ALK: variants seen among roughly 807,000 people sequenced by gnomAD.
ALK encodes ALK tyrosine kinase receptor.
Under a neutral mutation model 163.1 loss-of-function variants are expected in ALK, and 74 were observed. The ratio of observed to expected loss-of-function variants is 0.45; its 90% CI spans 0.38 to 0.55. ALK has a LOEUF of 0.55. ALK is among the 20% of genes least tolerant of loss of function. The pLI, the probability that ALK is intolerant of heterozygous loss-of-function variation, is 0.00. For missense variants in ALK, 2,063 were observed against 2,105.3 expected (o/e 0.98, Z 0.39); for synonymous variants, 960 against 843.2 (o/e 1.14, Z -2.40).
chr2:29,337,102 G>T (rs1461561262), intron 5 of ALK, among the ~76,000 whole-genome samples: 2 of 152,160 alleles, frequency 1.3e-5, no homozygotes, highest in African/African-American at 4.8e-5. Context: ...CGAGTGCACA[G>T]ACTAACAGCT....
chr2:29,760,037 G>C (rs935411014), intron 1 of ALK, among the ~76,000 whole-genome samples: 4 of 152,130 alleles, frequency 2.6e-5, no homozygotes, highest in African/African-American at 4.8e-5. Flanking sequence ...GGTAAAGTTA[G>C]TTTTGTTTGT....
intron 3 of ALK, among the ~76,000 whole-genome samples, chr2:29,558,844 T>C (rs899498509): frequency 2.6e-5 from 4 of 152,204 alleles, no homozygotes; most frequent in African/African-American, 9.6e-5. Context: ...AGTTCTGGCA[T>C]ACGGTGGACA....
chr2:29,792,532 G>A (rs1664213507), intron 1 of ALK, among the ~76,000 whole-genome samples: 1 of 151,976 alleles, frequency 6.6e-6, no homozygotes, highest in Admixed American at 6.6e-5. Flanking sequence ...ACACAAAATG[G>A]TATTTCACAC....
chr2:29,634,585 A>G (rs1194654787), intron 3 of ALK, among the ~76,000 whole-genome samples: 1 of 152,188 alleles, frequency 6.6e-6, no homozygotes, highest in African/African-American at 2.4e-5. Flanking sequence ...CTCATTCATG[A>G]TTAAAACCCA....
chr2:29,581,500 G>A (rs1254173149), intron 3 of ALK, among the ~76,000 whole-genome samples: 1 of 152,152 alleles, frequency 6.6e-6, no homozygotes, highest in Non-Finnish European at 1.5e-5. Flanking sequence ...CAGAGCCAGG[G>A]GAACACCTCC....
intron 1 of ALK, among the ~76,000 whole-genome samples, chr2:29,837,805 A>G (rs1665598633): frequency 6.6e-6 from 1 of 152,212 alleles, no homozygotes; most frequent in Non-Finnish European, 1.5e-5. Context: ...TACAATCAAA[A>G]ATTACCAGAT....
intron 3 of ALK, among the ~76,000 whole-genome samples, chr2:29,673,396 G>A (rs1677767057): frequency 2.9e-5 from 4 of 138,482 alleles, no homozygotes; most frequent in Non-Finnish European, 6.2e-5. Flanking sequence ...TTCTACATAT[G>A]GCTAGCCAGT....
intron 3 of ALK, among the ~76,000 whole-genome samples, chr2:29,576,123 G>A (rs947408995): frequency 3.3e-5 from 5 of 152,206 alleles, no homozygotes; most frequent in African/African-American, 1.2e-4. Context: ...CTGATTGGCT[G>A]CTCTAGGTCA....
At chr2:29,600,536 G>A (rs57323854) in intron 3 of ALK, among the ~76,000 whole-genome samples, 3 of 152,310 alleles carry the variant, frequency 2.0e-5, no homozygotes, top group East Asian at 3.9e-4. Flanking sequence ...CCTGGCATTG[G>A]AGAAGAAGCA....
In ALK at chr2:29,638,120, T is replaced by C. The variant is rs567043849; in HGVS notation, c.952+56730A>G. Among the ~76,000 whole-genome samples, 329 of 152,298 alleles carry C rather than the reference T, an allele frequency of 2.2e-3. 1 individual carries two copies. The highest frequency in any genetic ancestry group is 6.8e-3 in the Middle Eastern group (2 of 294). On this transcript the variant is annotated intron_variant, in intron 3 of 28. Transcript: ENST00000389048. ...AAGCACACCTTAAACTTGAGATACT[T>C]GGAGGGCTCTGATAGCCATTTTTGG...
intron 4 of ALK, among the ~76,000 whole-genome samples, chr2:29,433,762 T>C (rs1288497317): frequency 6.6e-6 from 1 of 152,118 alleles, no homozygotes; most frequent in Non-Finnish European, 1.5e-5. Flanking sequence ...ATAAGTCAAT[T>C]CTGGAAGGAA....
At chr2:29,825,264 A>G (rs1665165594) in intron 1 of ALK, among the ~76,000 whole-genome samples, 1 of 152,228 alleles carries the variant, frequency 6.6e-6, no homozygotes, top group African/African-American at 2.4e-5. Flanking sequence ...AGACTAATAC[A>G]TCTGCTTCAT....
intron 4 of ALK, among the ~76,000 whole-genome samples, chr2:29,519,816 C>T (rs11680621): frequency 0.12 from 18,153 of 152,206 alleles, 1,441 homozygotes; most frequent in Non-Finnish European, 0.18. Context: ...ATCCAGCAGA[C>T]TGCCGATTAG....
chr2:29,625,895 T>C (rs929175036), intron 3 of ALK, among the ~76,000 whole-genome samples: 1 of 152,210 alleles, frequency 6.6e-6, no homozygotes, highest in Admixed American at 6.5e-5. Context: ...AAGGCAGACA[T>C]CCACTGAGGT....
At chr2:29,373,287 C>A (rs533162283) in intron 5 of ALK, among the ~76,000 whole-genome samples, 2 of 152,178 alleles carry the variant, frequency 1.3e-5, no homozygotes, top group South Asian at 2.1e-4. Context: ...GGTAACAACA[C>A]CATTTATTAC....
chr2:29,772,994 T>A (rs953570440), intron 1 of ALK, among the ~76,000 whole-genome samples: 10 of 151,892 alleles, frequency 6.6e-5, no homozygotes, highest in African/African-American at 2.4e-4. Flanking sequence ...TTCCCACATT[T>A]ATCTTTGTTG....
At chr2:29,425,546 T>C (rs1164291997) in intron 4 of ALK, among the ~76,000 whole-genome samples, 1 of 152,088 alleles carries the variant, frequency 6.6e-6, no homozygotes, top group Non-Finnish European at 1.5e-5. Flanking sequence ...CCACAGCTCA[T>C]GTGTAGGATG....
chr2:29,798,893 C>T (rs754587434), intron 1 of ALK, among the ~76,000 whole-genome samples: 2 of 152,124 alleles, frequency 1.3e-5, no homozygotes, highest in Non-Finnish European at 2.9e-5. Flanking sequence ...GGTGTGATGG[C>T]GAGGACACTG....
intron 1 of ALK, among the ~76,000 whole-genome samples, chr2:29,840,484 T>G (rs1665671255): frequency 6.6e-6 from 1 of 152,222 alleles, no homozygotes; most frequent in Non-Finnish European, 1.5e-5. Flanking sequence ...TTCTCAATAT[T>G]GTCTATAAAT....
Sources: allele counts gnomAD v4.1 joint callset (sites outside exome capture counted in the v4.1 genomes callset), GRCh38; gene constraint gnomAD v4.1.1; transcripts MANE v1.5; gene names NCBI Gene and HGNC (gene_info 2026-07-23, HGNC 2026-07-21).